The following HSPBAP1 variants were observed in gnomAD, a reference collection of about 807,000 sequenced individuals.
HSPBAP1 encodes the protein HSPB1 associated protein 1.
Under a neutral mutation model 45.2 loss-of-function variants are expected in HSPBAP1, and 27 were observed. That is an observed-to-expected ratio of 0.60 (90% CI 0.44 to 0.82). HSPBAP1 has a LOEUF of 0.82. Among genes scored for constraint, HSPBAP1 ranks in the 40% least tolerant of loss-of-function variants. The pLI, the probability that HSPBAP1 is intolerant of heterozygous loss-of-function variation, is 0.00. For synonymous variants in HSPBAP1, 204 were observed against 202.7 expected (o/e 1.01, Z -0.06); for missense variants, 510 against 590.9 (o/e 0.86, Z 1.42).
chr3:122,772,157 C>T (rs1303325391), intron 2 of HSPBAP1, among the ~76,000 whole-genome samples: 1 of 151,990 alleles, frequency 6.6e-6, no homozygotes, highest in Non-Finnish European at 1.5e-5. Flanking sequence ...TACTGAGAGC[C>T]AAATAGACTT....
chr3:122,757,836 A>G (rs553270553), intron 4 of HSPBAP1, among the ~76,000 whole-genome samples: 1 of 152,338 alleles, frequency 6.6e-6, no homozygotes, highest in African/African-American at 2.4e-5. Flanking sequence ...CTTGTTTCCA[A>G]TTCAGAACAC....
At chr3:122,747,384 C>T (rs367865820) in intron 6 of HSPBAP1, among the ~76,000 whole-genome samples, 14,505 of 151,272 alleles carry the variant, frequency 0.096, 496 homozygotes, top group South Asian at 0.17. Context: ...GCCTGGCAAC[C>T]GCCCCATCTG....
At chr3:122,781,438 G>A (rs374945765) in intron 1 of HSPBAP1, among the ~76,000 whole-genome samples, 3 of 150,514 alleles carry the variant, frequency 2.0e-5, no homozygotes, top group East Asian at 2.0e-4. Context: ...GCCTGCAATC[G>A]CAGGCACTCG....
At chr3:122,780,944 A>G (rs551665328) in intron 1 of HSPBAP1, among the ~76,000 whole-genome samples, 7,953 of 109,580 alleles carry the variant, frequency 0.073, 1,845 homozygotes, top group Middle Eastern at 0.12. Context: ...CGGTCCCCAC[A>G]TCTCAGACGA....
rs374016373 is a variant in HSPBAP1, at chr3:122,740,391, A to C, written c.1421T>G (p.Val474Gly). 2.0e-5 allele frequency: 32 copies of C among 1,613,416 alleles called. No individual in the cohort carries two copies. Among genetic ancestry groups the C allele is most frequent in the Non-Finnish European group, 2.6e-5 (31 of 1,179,456 alleles). The stretch of plus-strand genomic sequence containing the variant: ...CAAAAGTTGTGCCACTATCCTGGTT[A>C]CTTGTGGATTCACCAAGCAGTCCAG... ...DLLDCLVNPQ[V>G]TRIVAQLLIQ... The change falls in exon 8 of 8, where the codon GTA (valine) becomes GGA (glycine). Residue 474 changes from valine (V) to glycine (G), a missense_variant. Coordinates refer to ENST00000306103, the MANE Select transcript of HSPBAP1 (RefSeq NM_024610.6).
chr3:122,766,714 A>G (rs1402176155), intron 3 of HSPBAP1, among the ~76,000 whole-genome samples: 1 of 152,262 alleles, frequency 6.6e-6, no homozygotes, highest in Admixed American at 6.5e-5. Context: ...CTGTAGGCAC[A>G]GCAGTAATTA....
chr3:122,777,629 A>G (rs1935230041), intron 2 of HSPBAP1, 92 bp downstream of exon 2: 1 of 833,888 alleles, frequency 1.2e-6, no homozygotes, highest in African/African-American at 1.7e-5. Context: ...AGGATTAGAA[A>G]GAAAGGATTC....
intron 6 of HSPBAP1, among the ~76,000 whole-genome samples, chr3:122,748,011 G>A (rs1441524334): frequency 6.6e-6 from 1 of 152,214 alleles, no homozygotes; most frequent in Non-Finnish European, 1.5e-5. Context: ...GTAGACATGG[G>A]AAACTTTTCA....
intron 6 of HSPBAP1, among the ~76,000 whole-genome samples, chr3:122,750,530 T>TCTATCTATCTAC (rs1442473120): frequency 2.3e-4 from 35 of 151,806 alleles, no homozygotes; most frequent in African/African-American, 8.5e-4. Context: ...TATCTATCTA[T>TCTATCTATCTAC]CTATCTATCT....
chr3:122,742,341 A>C (rs1486194487), intron 6 of HSPBAP1, among the ~76,000 whole-genome samples: 6 of 152,114 alleles, frequency 3.9e-5, no homozygotes, highest in Admixed American at 3.9e-4. Context: ...TATTGAACTT[A>C]AAAAAGCAAA....
In HSPBAP1 at chr3:122,755,274, G is replaced by C. The variant is rs61756481; in HGVS notation, c.727C>G (p.Leu243Val). 102,090 of 1,584,626 alleles carry C rather than the reference G, an allele frequency of 0.064. 3,752 individuals carry two copies. The highest frequency in any genetic ancestry group is 0.083 in the Middle Eastern group (489 of 5,884). ...FRKAQRHAVT[L>V]SPGQVLFVPR... is the part of the protein sequence containing the mutation. ...AGCCCTATTACCTGTCCTGGGCTCA[G>C]TGTAACCGCATGTCTTTGAGCTTTC... The change falls in exon 5 of 8, where the codon CTG becomes GTG. Residue 243 changes from leucine (L) to valine (V), a missense_variant. By Grantham distance (32) the Leu-to-Val change is conservative. Transcript: ENST00000306103.
In HSPBAP1 at chr3:122,768,810, T is replaced by C. The variant is rs138638475; in HGVS notation, c.323A>G (p.Gln108Arg). 1.6e-4 allele frequency: 252 copies of C among 1,611,718 alleles called. No individual in the cohort carries two copies. In the African/African-American group the frequency reaches 3.1e-3, roughly 20 times the overall value. ...TCTAAATGGTCCAGAAATACTAGAC[T>C]GGTCACAGTTCCAGGTCAGAAACTC... ...LEEFLTWNCD[Q>R]SSISGPFRDY... Residue 108 changes from glutamine to arginine, a missense_variant, in exon 3 of 8, where the codon CAG becomes CGG. Physicochemically the swap from Gln to Arg is conservative, Grantham distance 43. Coordinates refer to ENST00000306103, the MANE Select transcript of HSPBAP1 (RefSeq NM_024610.6).
intron 1 of HSPBAP1, chr3:122,786,549 T>C (rs1935662815): frequency 6.6e-6 from 1 of 152,186 alleles, no homozygotes; most frequent in Non-Finnish European, 1.5e-5. Flanking sequence ...AAAAAAGCTA[T>C]AAAGAAGTAA....
Position 122,777,833 on chromosome 3 carries a change from G to A in HSPBAP1, c.138C>T (p.Phe46=), listed in dbSNP as rs1477130933. The change falls in exon 2 of 8, where the codon TTC becomes TTT. Residue 46 remains phenylalanine, a synonymous_variant. Transcript: ENST00000306103. ...CTGGCCAATCAAACACCATGTTACA[G>A]AAGATTGCAGGTTGTTGTAAAGACA... ...IIMSLQQPAI[F]CNMVFDWPAR... is the part of the protein sequence containing the mutation. 1 of 1,613,876 alleles carries A rather than the reference G, an allele frequency of 6.2e-7. No individual in the cohort carries two copies. The highest frequency in any genetic ancestry group is 1.1e-5 in the South Asian group (1 of 91,060).
chr3:122,747,037 C>T (rs1364516221), intron 6 of HSPBAP1, among the ~76,000 whole-genome samples: 1 of 152,134 alleles, frequency 6.6e-6, no homozygotes, highest in East Asian at 1.9e-4. Flanking sequence ...CCTTGGCCTC[C>T]CAAAGTGCCG....
At position 122,780,264 on chromosome 3, in the gene HSPBAP1, G is replaced by A. The variant is rs1412457498; in HGVS notation, c.65-2358C>T. ...CCCCCCCACCTCCCTCCCGGACGGG[G>A]CGGCTGGCCGGGCGGGGGGCTGACC... is the stretch of plus-strand genomic sequence containing the variant. On this transcript the variant is annotated intron_variant, in intron 1 of 7. Coordinates refer to ENST00000306103, the MANE Select transcript of HSPBAP1 (RefSeq NM_024610.6). Among the ~76,000 whole-genome samples, 44 of 94,988 alleles carry A rather than the reference G, an allele frequency of 4.6e-4. 2 individuals are homozygous for A. The highest frequency in any genetic ancestry group is 1.9e-3 in the African/African-American group (43 of 22,198). The allele number at this position is 94,988 out of a possible 152,430, so 62.3% of individuals were successfully genotyped here.
chr3:122,745,830 A>G (rs1184233816), intron 6 of HSPBAP1, among the ~76,000 whole-genome samples: 2 of 152,242 alleles, frequency 1.3e-5, no homozygotes, highest in Non-Finnish European at 2.9e-5. Context: ...ACTAAGGTCT[A>G]TGGTAAGAAG....
chr3:122,753,564 A>T (rs1054100314), intron 5 of HSPBAP1: 2 of 984,740 alleles, frequency 2.0e-6, no homozygotes, highest in Non-Finnish European at 2.4e-6. Context: ...CAATGGGCAG[A>T]GTCAAGAAGG....
At chr3:122,744,028 T>A (rs1360221834) in intron 6 of HSPBAP1, among the ~76,000 whole-genome samples, 1 of 151,880 alleles carries the variant, frequency 6.6e-6, no homozygotes, top group African/African-American at 2.4e-5. Context: ...AATAAAAAAA[T>A]AAAAAATTCT....
Sources: allele counts gnomAD v4.1 joint callset (sites outside exome capture counted in the v4.1 genomes callset), GRCh38; gene constraint gnomAD v4.1.1; transcripts MANE v1.5; gene names NCBI Gene and HGNC (gene_info 2026-07-23, HGNC 2026-07-21).